Variants in APBB2 observed in about 807,000 individuals in gnomAD.
APBB2 encodes the protein Fe65-like 1.
In APBB2, 38 loss-of-function variants were observed where a neutral mutation model predicts 82.5. That is an observed-to-expected ratio of 0.46 (90% confidence interval 0.36 to 0.60). The LOEUF (loss-of-function observed/expected upper bound fraction) is 0.60, where lower values mean the gene tolerates loss of function less well. APBB2 is among the 20% of genes least tolerant of loss of function. The pLI, the probability that APBB2 is intolerant of heterozygous loss-of-function variation, is 0.00. For synonymous variants in APBB2, 341 were observed against 368.2 expected (o/e 0.93, Z 0.85); for missense variants, 772 against 972.3 (o/e 0.79, Z 2.74).
intron 4 of APBB2, among the ~76,000 whole-genome samples, chr4:41,060,396 T>C (rs754998533): frequency 6.6e-6 from 1 of 152,142 alleles, no homozygotes; most frequent in Non-Finnish European, 1.5e-5. Flanking sequence ...CATTCATCCA[T>C]TCGATATATA....
At chr4:41,046,387 A>G (rs1435335558) in intron 4 of APBB2, among the ~76,000 whole-genome samples, 1 of 152,064 alleles carries the variant, frequency 6.6e-6, no homozygotes, top group Non-Finnish European at 1.5e-5. Flanking sequence ...TGGAACAAAG[A>G]TAACATCTCT....
intron 10 of APBB2, among the ~76,000 whole-genome samples, chr4:40,928,150 G>A (rs559224746): frequency 3.3e-5 from 5 of 152,250 alleles, no homozygotes; most frequent in African/African-American, 1.2e-4. Flanking sequence ...AAAAGCCTTG[G>A]ATATAGAAAG....
intron 12 of APBB2, among the ~76,000 whole-genome samples, chr4:40,861,316 C>G (rs1388577055): frequency 1.3e-5 from 2 of 151,294 alleles, no homozygotes; most frequent in Non-Finnish European, 2.9e-5. Context: ...CACCGCTGCA[C>G]TCCAGCCTGG....
At chr4:40,996,522 T>G (rs773639357) in intron 6 of APBB2, among the ~76,000 whole-genome samples, 1 of 152,232 alleles carries the variant, frequency 6.6e-6, no homozygotes, top group Non-Finnish European at 1.5e-5. Context: ...AACTCTATCT[T>G]GAGGATGTCA....
intron 12 of APBB2, among the ~76,000 whole-genome samples, chr4:40,856,109 A>G (rs2154330685): frequency 6.6e-6 from 1 of 152,354 alleles, no homozygotes; most frequent in East Asian, 1.9e-4. Context: ...AGAGAACAGC[A>G]TGAGGAAAGC....
intron 3 of APBB2, among the ~76,000 whole-genome samples, chr4:41,068,262 T>C (rs1359274059): frequency 6.6e-6 from 1 of 152,178 alleles, no homozygotes; most frequent in Non-Finnish European, 1.5e-5. Flanking sequence ...AATAATAAAA[T>C]AGAGCAAGTG....
At chr4:41,192,225 T>C (rs1306928594) in intron 1 of APBB2, among the ~76,000 whole-genome samples, 4 of 152,130 alleles carry the variant, frequency 2.6e-5, no homozygotes, top group African/African-American at 9.7e-5. Context: ...TGGAAAACAG[T>C]ATGGAGGTTA....
At chr4:41,181,292 C>T (rs1191436936) in intron 1 of APBB2, among the ~76,000 whole-genome samples, 1 of 152,218 alleles carries the variant, frequency 6.6e-6, no homozygotes, top group Non-Finnish European at 1.5e-5. Context: ...TCACGCTACT[C>T]TTTCGGTTGC....
intron 10 of APBB2, among the ~76,000 whole-genome samples, chr4:40,913,927 G>A (rs1384158545): frequency 1.3e-5 from 2 of 152,070 alleles, no homozygotes; most frequent in Non-Finnish European, 2.9e-5. Flanking sequence ...GAAGGTCAAC[G>A]GATCAATAAC....
intron 2 of APBB2, among the ~76,000 whole-genome samples, chr4:41,119,388 T>G (rs2153990163): frequency 6.6e-6 from 1 of 152,042 alleles, no homozygotes; most frequent in East Asian, 1.9e-4. Context: ...TATACAACAC[T>G]AACATGTTTC....
rs1271043855 is a variant in APBB2 at position 40,884,384 on chromosome 4, A to G, written c.1529+5980T>C. On this transcript the variant is annotated intron_variant, in intron 12 of 17. Transcript: ENST00000508593. ...TTCCTCAGGATCCCTGAACTCCTCC[A>G]CAAAATTAAGCAGTGTTTTCAAAAG... Among the ~76,000 whole-genome samples the G allele has an allele frequency of 2.0e-5, 3 of 152,258 alleles. No individual in the cohort carries two copies. The East Asian group carries it at 5.8e-4, about 29-fold the overall frequency.
chr4:41,185,409 G>C (rs940718872), intron 1 of APBB2, among the ~76,000 whole-genome samples: 1 of 152,042 alleles, frequency 6.6e-6, no homozygotes, highest in Non-Finnish European at 1.5e-5. Flanking sequence ...ACAACCACAA[G>C]ATCTACCATA....
At chr4:40,932,766 G>A (rs772713984) in intron 10 of APBB2, among the ~76,000 whole-genome samples, 2 of 152,150 alleles carry the variant, frequency 1.3e-5, no homozygotes, top group Non-Finnish European at 2.9e-5. Flanking sequence ...GCAAGCCCCC[G>A]CCCCGTTCAA....
rs1193623297 is a variant in APBB2 at position 40,890,200 on chromosome 4, C to G, written c.1529+164G>C. The G allele has an allele frequency of 4.3e-6, 4 of 928,790 alleles. 1 individual carries two copies. The highest frequency in any genetic ancestry group is 4.6e-6 in the Non-Finnish European group (3 of 657,910). 57.5% of individuals were successfully genotyped at this position (928,790 alleles called of 1,614,324 possible). ...ACCAGGAAGGGAAGCAGTTTGAAGTCTTTAAGAGGCAGGGAACTAGAGACA... is the reference window on the plus strand; with the variant it reads ...ACCAGGAAGGGAAGCAGTTTGAAGTGTTTAAGAGGCAGGGAACTAGAGACA... On this transcript the variant is annotated intron_variant, in intron 12 of 17. Transcript: ENST00000508593.
chr4:41,065,842 C>T (rs4861363), intron 3 of APBB2, among the ~76,000 whole-genome samples, 169 bp from the exon 4 acceptor site: 12,390 of 151,688 alleles, frequency 0.082, 698 homozygotes, highest in Middle Eastern at 0.15. Context: ...TCCCTGTCAC[C>T]GCAGGCAGGC....
intron 6 of APBB2, among the ~76,000 whole-genome samples, chr4:40,991,175 C>CTTTTT (rs58342460): frequency 1.3e-4 from 12 of 90,494 alleles, no homozygotes; most frequent in African/African-American, 4.7e-4. Context: ...GTGTGTTTTG[C>CTTTTT]TTTTTTTTTT....
intron 3 of APBB2, among the ~76,000 whole-genome samples, chr4:41,096,690 A>G (rs1210879154): frequency 6.6e-6 from 1 of 152,230 alleles, no homozygotes; most frequent in Non-Finnish European, 1.5e-5. Context: ...GGGAGAAAAA[A>G]ACCTTTAAAA....
chr4:40,919,284 C>T (rs4861332), intron 10 of APBB2, among the ~76,000 whole-genome samples: 148,537 of 152,310 alleles, frequency 0.98, 72,527 homozygotes, highest in Middle Eastern at 1. Context: ...TTGTTTTGTC[C>T]ATAAGAGGAG....
rs34433911 is a variant in APBB2 at position 40,858,454 on chromosome 4, C to CAAAAAAAAAAAAAAAAAAAAAA, written c.1530-27899_1530-27878dup. 6.4e-4 allele frequency among the ~76,000 whole-genome samples: 37 copies of CAAAAAAAAAAAAAAAAAAAAAA among 57,718 alleles called. 1 individual carries two copies. Among genetic ancestry groups the CAAAAAAAAAAAAAAAAAAAAAA allele is most frequent in the South Asian group, 1.6e-3 (2 of 1,224 alleles). 37.9% of individuals were successfully genotyped at this position (57,718 alleles called of 152,430 possible). A position where few individuals can be genotyped will look rare whatever the true frequency, so the allele number is the denominator to read the frequency against. On this transcript the variant is annotated intron_variant, in intron 12 of 17. Transcript: ENST00000508593. ...TGAGTGACAGAGTGAGAGTCCGTCTCAAAAAAAAAAAAAAAAAAAAAAAAG... is the reference window on the plus strand; with the variant it reads ...TGAGTGACAGAGTGAGAGTCCGTCTCAAAAAAAAAAAAAAAAAAAAAAAAAAAAAAAAAAAAAAAAAAAAAAG...
Sources: gnomAD v4.1 joint callset for allele counts (sites outside exome capture counted in the v4.1 genomes callset) on GRCh38, gnomAD v4.1.1 for gene constraint, MANE v1.5 for transcripts, NCBI Gene and HGNC (gene_info 2026-07-23, HGNC 2026-07-21) for gene names.